The following CHIT1 variants were observed in gnomAD, a reference collection of about 807,000 sequenced individuals.
The protein encoded by CHIT1 is chitinase 1, also known as chitotriosidase-1.
In CHIT1, 47 loss-of-function variants were observed where a neutral mutation model predicts 52.0. That is an observed-to-expected ratio of 0.90 (90% confidence interval 0.71 to 1.15). The LOEUF (loss-of-function observed/expected upper bound fraction) is 1.15. Ranked by LOEUF, CHIT1 falls within the 50% of genes most tolerant of loss-of-function variation. The pLI is 0.00. For synonymous variants in CHIT1, 242 were observed against 228.2 expected (o/e 1.06, Z -0.54); for missense variants, 569 against 583.0 (o/e 0.98, Z 0.25).
intron 7 of CHIT1, among the ~76,000 whole-genome samples, chr1:203,221,643 A>T (rs765670512): frequency 1.3e-5 from 2 of 152,082 alleles, no homozygotes; most frequent in Non-Finnish European, 2.9e-5. Flanking sequence ...ATATAAAATT[A>T]AAAAAAATTA....
chr1:203,217,875 G>C lies in CHIT1; in HGVS notation c.1030-10C>G. The C allele has an allele frequency of 7.5e-7, 1 of 1,334,148 alleles. No homozygotes were observed. The highest frequency in any genetic ancestry group is 9.9e-7 in the Non-Finnish European group (1 of 1,009,136). The allele number at this position is 1,334,148 out of a possible 1,614,324, so 82.6% of individuals were successfully genotyped here. On this transcript the variant is annotated splice_polypyrimidine_tract_variant and intron_variant, in intron 9 of 10. Coordinates refer to ENST00000367229, the MANE Select transcript of CHIT1 (RefSeq NM_003465.3). ...GCTTCAGATAGCTGACCTGTGCAGGGAGGGGATGCAGTGGAGGAGCCCGGG... is the reference window on the plus strand; with the variant it reads ...GCTTCAGATAGCTGACCTGTGCAGGCAGGGGATGCAGTGGAGGAGCCCGGG...
chr1:203,219,618 AC>A (rs1201295433), intron 8 of CHIT1, 45 bp downstream of exon 8: 3 of 1,598,732 alleles, frequency 1.9e-6, no homozygotes, highest in South Asian at 1.1e-5. Flanking sequence ...TCTCTCAGGC[AC>A]CCCCTGACCC....
upstream of CHIT1, chr1:203,229,750 TG>T (rs1259890341): frequency 9.1e-7 from 1 of 1,102,856 alleles, no homozygotes; most frequent in Non-Finnish European, 1.4e-6. Flanking sequence ...TCAGGGGCAC[TG>T]GGTGGGGGGG....
At chr1:203,218,240 C>A in intron 9 of CHIT1, 24 of 428,520 alleles carry the variant, frequency 5.6e-5, no homozygotes, top group Admixed American at 9.0e-5. Flanking sequence ...AAGGTAAGTC[C>A]AGTTACCATA....
In CHIT1 at chr1:203,216,657, A is replaced by T; in HGVS notation, c.*232T>A. 1.6e-6 allele frequency: 1 copy of T among 632,908 alleles called. No homozygotes were observed. Among genetic ancestry groups the T allele is most frequent in the Non-Finnish European group, 2.9e-6 (1 of 345,448 alleles). 39.2% of individuals were successfully genotyped at this position (632,908 alleles called of 1,614,324 possible). A position where few individuals can be genotyped will look rare whatever the true frequency, so the allele number is the denominator to read the frequency against. Reference sequence around the variant, plus strand: ...TGCTTAGAGAGCCTCTTAAGTCACCACATCTTTGGGAAGAGGGGCACAAAC... The same window carrying T: ...TGCTTAGAGAGCCTCTTAAGTCACCTCATCTTTGGGAAGAGGGGCACAAAC... On this transcript the variant is annotated 3_prime_UTR_variant, in exon 11 of 11. Transcript: ENST00000367229.
Position 203,223,150 on chromosome 1 carries a change from AC to A in CHIT1, c.589del (p.Val197TrpfsTer64). On this transcript the variant is annotated frameshift_variant, in exon 6 of 11. Coordinates refer to ENST00000367229, the MANE Select transcript of CHIT1 (RefSeq NM_003465.3). LOFTEE classifies it high-confidence loss of function. ...GQTYVDAGYE[V>X]DKIAQNLDFV... is the part of the protein sequence containing the mutation. Reference sequence around the variant, plus strand: ...TGAGACTCACTGGGCGATTTTGTCCACCTCGTATCCAGCATCCACATAGGTC... The same window carrying A: ...TGAGACTCACTGGGCGATTTTGTCCACTCGTATCCAGCATCCACATAGGTC... The A allele has an allele frequency of 6.2e-7, 1 of 1,614,074 alleles. No homozygotes were observed. Among genetic ancestry groups the A allele is most frequent in the Non-Finnish European group, 8.5e-7 (1 of 1,180,006 alleles).
At chr1:203,218,186 G>A (rs985490596) in intron 9 of CHIT1, 14 of 1,194,966 alleles carry the variant, frequency 1.2e-5, no homozygotes, top group Non-Finnish European at 1.6e-5. Context: ...TGTGGGCTGA[G>A]CTGCTTTATT....
Position 203,223,201 on chromosome 1 carries a change from A to G in CHIT1, c.539T>C (p.Leu180Pro). The change falls in exon 6 of 11, where the codon CTG (leucine) becomes CCG (proline). Residue 180 changes from leucine (L) to proline (P), a missense_variant. Coordinates refer to ENST00000367229, the MANE Select transcript of CHIT1 (RefSeq NM_003465.3). ...AQTSGKERLLLSAAVPAGQTY... is the reference protein window; with the variant it reads ...AQTSGKERLLPSAAVPAGQTY... ...CTGCCCAGCTGGAACCGCTGCACTC[A>G]GAAGAAGGCGTTCCTTCCCTGAGGT... 1.2e-6 allele frequency: 2 copies of G among 1,614,232 alleles called. No individual in the cohort carries two copies. Among genetic ancestry groups the G allele is most frequent in the Non-Finnish European group, 1.7e-6 (2 of 1,180,044 alleles).
Position 203,228,607 on chromosome 1 carries a change from C to T in CHIT1, c.26-45G>A, listed in dbSNP as rs969846573. ...AAGGCCAGGGTTATGCTGCCATTCT[C>T]ACCTTCCCAGGCCCCACAGCTTACG... On this transcript the variant is annotated intron_variant, in intron 1 of 10. Transcript: ENST00000367229. 13 of 1,560,832 alleles carry T rather than the reference C, an allele frequency of 8.3e-6. No individual in the cohort carries two copies. In the African/African-American group the frequency reaches 1.6e-4, roughly 20 times the overall value.
chr1:203,222,445 A>G (rs1205313739), intron 6 of CHIT1, 120 bp from the exon 7 acceptor site: 2 of 1,479,272 alleles, frequency 1.4e-6, no homozygotes, highest in Non-Finnish European at 1.8e-6. Flanking sequence ...TCAGAGGCAA[A>G]GGTGGCAGGC....
Position 203,216,249 on chromosome 1 carries a change from A to G in CHIT1, c.*640T>C, listed in dbSNP as rs991335947. ...ATCTGGTGAACGGGGGCAGTAGGTG[A>G]GATAGGGCCTGCAAAGGGCCCAAAC... On this transcript the variant is annotated 3_prime_UTR_variant, in exon 11 of 11. Transcript: ENST00000367229. 1 of 454,008 alleles carries G rather than the reference A, an allele frequency of 2.2e-6. No individual in the cohort carries two copies. The highest frequency in any genetic ancestry group is 2.0e-5 in the African/African-American group (1 of 50,006). The allele number at this position is 454,008 out of a possible 1,614,324, so 28.1% of individuals were successfully genotyped here.
Position 203,222,192 on chromosome 1 carries a change from C to T in CHIT1, c.729+10G>A. The T allele has an allele frequency of 6.2e-7, 1 of 1,613,732 alleles. No homozygotes were observed. Among genetic ancestry groups the T allele is most frequent in the South Asian group, 1.1e-5 (1 of 91,064 alleles). ...GGGGAGTCCTGCCTCAGCCCTCCTG[C>T]CACACGTACCACGTTGAGGCTGGCT... On this transcript the variant is annotated intron_variant, in intron 7 of 10. Coordinates refer to ENST00000367229, the MANE Select transcript of CHIT1 (RefSeq NM_003465.3).
At chr1:203,229,780 G>A (rs1413093353), upstream of CHIT1, 2 of 925,182 alleles carry the variant, frequency 2.2e-6, no homozygotes, top group East Asian at 2.6e-5. Context: ...AGGGTGGGGA[G>A]GGGTAAGATG....
chr1:203,229,709 C>T (rs763117816), upstream of CHIT1: 6 of 1,576,996 alleles, frequency 3.8e-6, no homozygotes, highest in Non-Finnish European at 5.2e-6. Context: ...TATCTGGCCA[C>T]CCTGTCCCAC....
chr1:203,225,561 A>G, intron 3 of CHIT1, 108 bp downstream of exon 3: 1 of 1,143,508 alleles, frequency 8.7e-7, no homozygotes, highest in Non-Finnish European at 1.3e-6. Flanking sequence ...AAAGCCACAC[A>G]GTGGGTCTGT....
At chr1:203,229,571 C>A (rs1427596394) in intron 1 of CHIT1, 41 bp downstream of exon 1, 1 of 1,612,294 alleles carries the variant, frequency 6.2e-7, no homozygotes, top group Non-Finnish European at 8.5e-7. Context: ...TCCCCACCTC[C>A]CCACAGCTCC....
At position 203,229,647 on chromosome 1, in the gene CHIT1, A is replaced by G. The variant is rs751793788; in HGVS notation, c.-11T>C. 3.7e-6 allele frequency: 6 copies of G among 1,613,624 alleles called. No homozygotes were observed. Among genetic ancestry groups the G allele is most frequent in the South Asian group, 2.2e-5 (2 of 91,020 alleles). On this transcript the variant is annotated 5_prime_UTR_variant, in exon 1 of 11. Coordinates refer to ENST00000367229, the MANE Select transcript of CHIT1 (RefSeq NM_003465.3). ...CACAGACCGCACCATGATGCAGCTC[A>G]GCGGCAGGCTGCAGCCCATACAAAC...
intron 3 of CHIT1, 106 bp downstream of exon 3, chr1:203,225,563 T>A (rs1216525045): frequency 3.5e-6 from 4 of 1,147,632 alleles, no homozygotes; most frequent in African/African-American, 1.5e-5. Flanking sequence ...AGCCACACAG[T>A]GGGTCTGTGG....
chr1:203,228,553 A>G lies in CHIT1; in HGVS notation c.35T>C (p.Val12Ala). ...CTTACCCCATGGGATCATCAGCAGG[A>G]CCATGAAACCTGGAGCAACACAAGA... ...VRSVAWAGFM[V>A]LLMIPWGSAA... Residue 12 changes from valine (V) to alanine (A), a missense_variant, in exon 2 of 11, where the codon GTC becomes GCC. By Grantham distance (64) the Val-to-Ala change is moderately conservative (BLOSUM62 0). Transcript: ENST00000367229. The G allele has an allele frequency of 1.9e-6, 3 of 1,588,450 alleles. No homozygotes were observed. In the South Asian group the frequency reaches 3.4e-5, roughly 18 times the overall value.
Sources: allele counts gnomAD v4.1 joint callset (sites outside exome capture counted in the v4.1 genomes callset), GRCh38; gene constraint gnomAD v4.1.1; transcripts MANE v1.5; gene names NCBI Gene and HGNC (gene_info 2026-07-23, HGNC 2026-07-21).